RARB: variants seen among roughly 807,000 people sequenced by gnomAD.
RARB encodes the protein HBV-activated protein.
Under a neutral mutation model 51.9 loss-of-function variants are expected in RARB, and 17 were observed. That is an observed-to-expected ratio of 0.33 (90% CI 0.22 to 0.49). The LOEUF is 0.49. Among genes scored for constraint, RARB ranks in the 20% least tolerant of loss-of-function variants. RARB has a pLI of 0.99. For missense variants in RARB, 369 were observed against 550.8 expected (o/e 0.67, Z 3.30); for synonymous variants, 215 against 195.4 (o/e 1.10, Z -0.84).
At chr3:25,087,856 G>A (rs1377418046) in intron 3 of RARB, among the ~76,000 whole-genome samples, 1 of 150,818 alleles carries the variant, frequency 6.6e-6, no homozygotes, top group Non-Finnish European at 1.5e-5. Context: ...GCCCTGTGAT[G>A]GTATTTCCTT....
At chr3:25,048,809 G>GC (rs1698268550) in intron 2 of RARB, among the ~76,000 whole-genome samples, 1 of 145,820 alleles carries the variant, frequency 6.9e-6, no homozygotes, top group African/African-American at 2.6e-5. Flanking sequence ...AGGCTGGAGT[G>GC]CAGTGGCGCG....
chr3:25,171,744 A>G (rs531930251), intron 4 of RARB, among the ~76,000 whole-genome samples: 171 of 151,342 alleles, frequency 1.1e-3, no homozygotes, highest in Middle Eastern at 3.4e-3. Context: ...TAGTTTGTCA[A>G]ATGGAGATAG....
chr3:25,268,388 T>C (rs372309311), intron 5 of RARB, among the ~76,000 whole-genome samples: 1 of 60,336 alleles, frequency 1.7e-5, no homozygotes, highest in Non-Finnish European at 4.0e-5. Flanking sequence ...CCCCAGAAAA[T>C]AGAAAAAAAA....
intron 3 of RARB, among the ~76,000 whole-genome samples, chr3:25,100,246 G>A (rs1451555858): frequency 6.6e-6 from 1 of 152,110 alleles, no homozygotes; most frequent in Non-Finnish European, 1.5e-5. Context: ...TGAATCAATA[G>A]CAAGTTAAGG....
At chr3:25,024,329 A>C (rs1697698941) in intron 2 of RARB, among the ~76,000 whole-genome samples, 1 of 152,204 alleles carries the variant, frequency 6.6e-6, no homozygotes, top group African/African-American at 2.4e-5. Context: ...TAATAAAACT[A>C]TCAGAATACT....
At chr3:24,848,134 A>T (rs1169432344) in intron 1 of RARB, among the ~76,000 whole-genome samples, 1 of 152,198 alleles carries the variant, frequency 6.6e-6, no homozygotes, top group African/African-American at 2.4e-5. Context: ...ATCTCGGCTC[A>T]TTGCAACCTC....
intron 5 of RARB, among the ~76,000 whole-genome samples, chr3:25,358,278 G>A (rs139930246): frequency 0.014 from 2,118 of 152,200 alleles, 23 homozygotes; most frequent in Non-Finnish European, 0.022. Flanking sequence ...TTGGCTCTCC[G>A]TTTCTCTATT....
At chr3:25,128,897 GAA>G (rs983717522) in intron 3 of RARB, among the ~76,000 whole-genome samples, 46 of 152,078 alleles carry the variant, frequency 3.0e-4, no homozygotes, top group African/African-American at 1.1e-3. Flanking sequence ...AGAATCTGTC[GAA>G]GAGAGGATTA....
At chr3:25,511,376 C>G (rs967465951) in intron 3 of RARB, among the ~76,000 whole-genome samples, 2 of 152,248 alleles carry the variant, frequency 1.3e-5, no homozygotes, top group African/African-American at 4.8e-5. Flanking sequence ...CGTGATCTGC[C>G]CACCTCAGCC....
intron 5 of RARB, among the ~76,000 whole-genome samples, chr3:25,185,588 A>G (rs17518622): frequency 0.085 from 12,934 of 152,206 alleles, 724 homozygotes; most frequent in Non-Finnish European, 0.13. Flanking sequence ...CATGGTTAAA[A>G]AGAACTCTAC....
chr3:25,551,173 G>T (rs1378663689), intron 3 of RARB, among the ~76,000 whole-genome samples: 1 of 152,140 alleles, frequency 6.6e-6, no homozygotes, highest in East Asian at 1.9e-4. Flanking sequence ...TCATAGTGGG[G>T]ACCTATGGTT....
intron 5 of RARB, among the ~76,000 whole-genome samples, chr3:25,300,734 A>C (rs1704019075): frequency 6.6e-6 from 1 of 152,168 alleles, no homozygotes; most frequent in African/African-American, 2.4e-5. Flanking sequence ...TCACACCTGT[A>C]ATCTCAGCAC....
At chr3:25,346,005 C>A in intron 5 of RARB, 1 of 492,962 alleles carries the variant, frequency 2.0e-6, no homozygotes, top group Non-Finnish European at 2.6e-6. Context: ...GTTCTTCTGA[C>A]CCGGGCTGCG....
intron 3 of RARB, among the ~76,000 whole-genome samples, chr3:25,071,818 C>G (rs1394230726): frequency 6.6e-6 from 1 of 152,072 alleles, no homozygotes; most frequent in African/African-American, 2.4e-5. Flanking sequence ...TTGAACATGC[C>G]CAGTGTGCTA....
intron 2 of RARB, among the ~76,000 whole-genome samples, chr3:25,039,707 A>G (rs557194756): frequency 6.6e-6 from 1 of 152,204 alleles, no homozygotes; most frequent in Non-Finnish European, 1.5e-5. Flanking sequence ...ATAAATTTGG[A>G]GGTAGAACTT....
intron 3 of RARB, among the ~76,000 whole-genome samples, chr3:25,535,571 C>T (rs1699107014): frequency 6.6e-6 from 1 of 152,080 alleles, no homozygotes; most frequent in South Asian, 2.1e-4. Flanking sequence ...GCCCCCCAGC[C>T]CCCGACAGGC....
chr3:25,445,564 G>T (rs1708893179), intron 1 of RARB, among the ~76,000 whole-genome samples: 2 of 152,110 alleles, frequency 1.3e-5, no homozygotes, highest in Non-Finnish European at 2.9e-5. Flanking sequence ...CTACTCGAGA[G>T]GCTGAAGCAG....
At chr3:25,376,671 A>G (rs1396147639) in intron 5 of RARB, among the ~76,000 whole-genome samples, 1 of 152,198 alleles carries the variant, frequency 6.6e-6, no homozygotes, top group African/African-American at 2.4e-5. Flanking sequence ...GTTGGCATTA[A>G]TGGACACTTG....
intron 2 of RARB, among the ~76,000 whole-genome samples, chr3:24,927,388 G>C (rs976310597): frequency 6.6e-6 from 1 of 151,982 alleles, no homozygotes; most frequent in Admixed American, 6.6e-5. Context: ...TACAAATAAT[G>C]AATTTGTATT....
Sources: allele counts gnomAD v4.1 joint callset (sites outside exome capture counted in the v4.1 genomes callset), GRCh38; gene constraint gnomAD v4.1.1; transcripts MANE v1.5; gene names NCBI Gene and HGNC (gene_info 2026-07-23, HGNC 2026-07-21).